The following TRAPPC11 variants were observed in gnomAD, a reference collection of about 807,000 sequenced individuals.
TRAPPC11 encodes foie gras homolog.
TRAPPC11 carries 104 observed loss-of-function variants against 151.2 expected under a neutral mutation model. The observed-to-expected ratio is 0.69, with a 90% CI of 0.59 to 0.81. TRAPPC11 has a LOEUF of 0.81. Among genes scored for constraint, TRAPPC11 ranks in the 30% least tolerant of loss-of-function variants. The pLI is 0.00. For synonymous variants in TRAPPC11, 456 were observed against 472.3 expected, an observed-to-expected ratio of 0.97 and a Z score of 0.45; for missense variants, 1,230 against 1,349.6, an observed-to-expected ratio of 0.91 and a Z score of 1.39.
In TRAPPC11 at chr4:183,668,021, C is replaced by T. The variant is rs868721699; in HGVS notation, c.464C>T (p.Ser155Leu). The T allele has an allele frequency of 1.2e-6, 2 of 1,611,768 alleles. No individual in the cohort carries two copies. Among genetic ancestry groups the T allele is most frequent in the Middle Eastern group, 3.3e-4 (2 of 6,058 alleles). The change falls in exon 5 of 30, where the codon TCA (serine) becomes TTA (leucine). Residue 155 changes from serine to leucine, a missense_variant. Transcript: ENST00000334690. The stretch of plus-strand genomic sequence containing the variant: ...TCAACAGGAGAAGATGTCATTGCTT[C>T]AGAAAGGGCTGCAGCTTTATGCAAT... ...PLPPGEDVIA[S>L]ERAAALCNAC...
chr4:183,673,532 G>A (rs1412444134), intron 5 of TRAPPC11, among the ~76,000 whole-genome samples: 1 of 151,898 alleles, frequency 6.6e-6, no homozygotes, highest in Non-Finnish European at 1.5e-5. Flanking sequence ...AAATTAGCTG[G>A]GCGTGGTCAT....
chr4:183,665,169 A>G (rs1441579524), intron 2 of TRAPPC11, among the ~76,000 whole-genome samples: 2 of 134,848 alleles, frequency 1.5e-5, no homozygotes, highest in Non-Finnish European at 3.0e-5. Flanking sequence ...ATATCGGCTC[A>G]CTGCAAGCTC....
At chr4:183,686,902 C>T (rs745931611) in intron 18 of TRAPPC11, among the ~76,000 whole-genome samples, 154 bp downstream of exon 18, 10 of 152,072 alleles carry the variant, frequency 6.6e-5, no homozygotes, top group East Asian at 1.9e-4. Flanking sequence ...TCTCCAGGGC[C>T]GGGCACAGTG....
intron 11 of TRAPPC11, among the ~76,000 whole-genome samples, chr4:183,683,651 A>G (rs1413492074): frequency 1.3e-5 from 2 of 152,200 alleles, no homozygotes; most frequent in African/African-American, 2.4e-5. Flanking sequence ...ACAGAGTGAG[A>G]TCCCGTCTCA....
intron 26 of TRAPPC11, 85 bp from the exon 27 acceptor site, chr4:183,704,894 C>T (rs1388385758): frequency 5.4e-6 from 4 of 744,328 alleles, no homozygotes; most frequent in African/African-American, 1.7e-5. Context: ...CTGGTGAATA[C>T]ATGTTTCCTG....
intron 18 of TRAPPC11, among the ~76,000 whole-genome samples, chr4:183,688,830 T>C (rs1417284195): frequency 1.3e-5 from 2 of 152,034 alleles, no homozygotes; most frequent in African/African-American, 4.8e-5. Flanking sequence ...ACTGCAGCCT[T>C]AGTCTCCCAG....
chr4:183,705,043 G>A lies in TRAPPC11; in HGVS notation c.3028G>A (p.Glu1010Lys). ...TVITLPHVIVENIPLHVNADL... is the reference protein window; with the variant it reads ...TVITLPHVIVKNIPLHVNADL... ...CATCACTCTGCCGCACGTGATTGTG[G>A]AGAATATCCCTCTCCATGTGAATGC... The change falls in exon 27 of 30, where the codon GAG becomes AAG. Residue 1010 changes from glutamate to lysine, a missense_variant. Coordinates refer to ENST00000334690, the MANE Select transcript of TRAPPC11 (RefSeq NM_021942.6). The A allele has an allele frequency of 1.9e-6, 3 of 1,595,408 alleles. No homozygotes were observed. The highest frequency in any genetic ancestry group is 1.7e-6 in the Non-Finnish European group (2 of 1,166,964).
intron 25 of TRAPPC11, among the ~76,000 whole-genome samples, 164 bp downstream of exon 25, chr4:183,697,999 G>A (rs1446112008): frequency 6.6e-6 from 1 of 152,182 alleles, no homozygotes; most frequent in African/African-American, 2.4e-5. Flanking sequence ...GGTGGAATTA[G>A]TGTCATTTAT....
intron 14 of TRAPPC11, 39 bp from the exon 15 acceptor site, chr4:183,684,657 T>G (rs1735871507): frequency 6.2e-7 from 1 of 1,604,698 alleles, no homozygotes; most frequent in African/African-American, 1.3e-5. Context: ...AACCCTTTCT[T>G]GTGAAGCCGG....
chr4:183,663,075 T>A (rs1734639655), intron 1 of TRAPPC11, among the ~76,000 whole-genome samples: 2 of 152,160 alleles, frequency 1.3e-5, no homozygotes, highest in African/African-American at 4.8e-5. Context: ...TTATTTATTT[T>A]ATTTTTTTTG....
chr4:183,709,513 C>T (rs763445853), intron 29 of TRAPPC11, among the ~76,000 whole-genome samples: 3 of 152,322 alleles, frequency 2.0e-5, no homozygotes, highest in Non-Finnish European at 4.4e-5. Flanking sequence ...CAGTGGCTCA[C>T]ACCTGTAATC....
At chr4:183,706,385 T>C (rs1394977992) in intron 27 of TRAPPC11, among the ~76,000 whole-genome samples, 1 of 152,038 alleles carries the variant, frequency 6.6e-6, no homozygotes, top group Non-Finnish European at 1.5e-5. Context: ...TAGCCAGACA[T>C]GGTGGCGGGC....
intron 26 of TRAPPC11, among the ~76,000 whole-genome samples, chr4:183,703,936 A>C (rs1233023165): frequency 6.6e-6 from 1 of 152,220 alleles, no homozygotes; most frequent in Non-Finnish European, 1.5e-5. Context: ...ACGTGTAGTG[A>C]GTTACAATAG....
chr4:183,710,753 G>T (rs1024947861), intron 29 of TRAPPC11, among the ~76,000 whole-genome samples: 1 of 151,758 alleles, frequency 6.6e-6, no homozygotes, highest in Admixed American at 6.6e-5. Context: ...TTTTGGCCGG[G>T]CGTGGTGGCT....
chr4:183,663,657 C>G (rs1160892927), intron 1 of TRAPPC11, among the ~76,000 whole-genome samples, 190 bp from the exon 2 acceptor site: 1 of 151,934 alleles, frequency 6.6e-6, no homozygotes, highest in Non-Finnish European at 1.5e-5. Context: ...GCGTGAGCCA[C>G]CATGCCTGGC....
chr4:183,712,379 T>G (rs1375039616), intron 29 of TRAPPC11, among the ~76,000 whole-genome samples: 1 of 152,094 alleles, frequency 6.6e-6, no homozygotes, highest in Non-Finnish European at 1.5e-5. Context: ...AGAGGGCAGC[T>G]CCCAGCCTGT....
intron 17 of TRAPPC11, 150 bp downstream of exon 17, chr4:183,685,553 C>T (rs931949428): frequency 1.2e-6 from 1 of 810,510 alleles, no homozygotes; most frequent in Non-Finnish European, 1.9e-6. Context: ...TGTGTCCCCT[C>T]AGTGACTTAC....
intron 5 of TRAPPC11, among the ~76,000 whole-genome samples, chr4:183,670,724 C>T (rs1735111016): frequency 6.6e-6 from 1 of 152,050 alleles, no homozygotes. Flanking sequence ...TCCTCCCTCA[C>T]CCTCCTGAAT....
At chr4:183,661,504 TG>T (rs1734533018) in intron 1 of TRAPPC11, among the ~76,000 whole-genome samples, 1 of 150,832 alleles carries the variant, frequency 6.6e-6, no homozygotes, top group Non-Finnish European at 1.5e-5. Context: ...CCCGAGTAGC[TG>T]GGACTACAGG....
Sources: gnomAD v4.1 joint callset for allele counts (sites outside exome capture counted in the v4.1 genomes callset) on GRCh38, gnomAD v4.1.1 for gene constraint, MANE v1.5 for transcripts, NCBI Gene and HGNC (gene_info 2026-07-23, HGNC 2026-07-21) for gene names.